Variants in SPATA21 observed in about 807,000 individuals in gnomAD.
The protein encoded by SPATA21 is spermatogenesis-associated protein 21.
In SPATA21, 47 loss-of-function variants were observed where a neutral mutation model predicts 54.8. The ratio of observed to expected loss-of-function variants is 0.86; its 90% CI spans 0.68 to 1.09. The LOEUF is 1.09. Ranked by LOEUF, SPATA21 falls within the 50% of genes least tolerant of loss-of-function variation. The pLI is 0.00. For synonymous variants in SPATA21, 245 were observed against 235.3 expected, an observed-to-expected ratio of 1.04 and a Z score of -0.38; for missense variants, 599 against 596.4, an observed-to-expected ratio of 1.00 and a Z score of -0.05.
chr1:16,421,698 GT>G lies in SPATA21; in HGVS notation c.96-142del. On this transcript the variant is annotated intron_variant, in intron 4 of 12. Coordinates refer to ENST00000335496, the MANE Select transcript of SPATA21 (RefSeq NM_198546.1). The surrounding 1 kb of genome is among the most constrained non-coding windows in gnomAD (Gnocchi z 5.2). Reference sequence around the variant, plus strand: ...CTTCTCATCTCAGGGGGCTCCTTATGTCCCCACATCCTCATATATACAGGCT... The same window carrying G: ...CTTCTCATCTCAGGGGGCTCCTTATGCCCCACATCCTCATATATACAGGCT... The G allele has an allele frequency of 9.0e-7, 1 of 1,114,786 alleles. No individual in the cohort carries two copies. Among genetic ancestry groups the G allele is most frequent in the Non-Finnish European group, 1.3e-6 (1 of 770,304 alleles). The allele number at this position is 1,114,786 out of a possible 1,614,324, so 69.1% of individuals were successfully genotyped here.
At chr1:16,433,704 ACT>A (rs1570230495) in intron 1 of SPATA21, among the ~76,000 whole-genome samples, 2 of 152,128 alleles carry the variant, frequency 1.3e-5, no homozygotes, top group Non-Finnish European at 2.9e-5. Flanking sequence ...GAGCTTGCTA[ACT>A]CTGAGAATCT....
chr1:16,407,082 T>C (rs922868015), intron 7 of SPATA21, among the ~76,000 whole-genome samples: 2 of 152,228 alleles, frequency 1.3e-5, no homozygotes, highest in African/African-American at 2.4e-5. Flanking sequence ...CTTGGAAGTA[T>C]TCTATGAACT....
chr1:16,416,886 A>C (rs1230012811), intron 5 of SPATA21, among the ~76,000 whole-genome samples: 1 of 152,160 alleles, frequency 6.6e-6, no homozygotes, highest in Admixed American at 6.6e-5. Flanking sequence ...CGGCACACGC[A>C]GACAGGACTC....
At chr1:16,408,489 T>C in intron 7 of SPATA21, 1 of 985,412 alleles carries the variant, frequency 1.0e-6, no homozygotes. Flanking sequence ...GAAGAAACTA[T>C]TCCAAAACCT....
chr1:16,430,273 A>T (rs1254008000), intron 3 of SPATA21, among the ~76,000 whole-genome samples: 1 of 151,964 alleles, frequency 6.6e-6, no homozygotes, highest in Non-Finnish European at 1.5e-5. Flanking sequence ...ACAAAAAATT[A>T]AAAAAATAGT....
downstream of SPATA21, among the ~76,000 whole-genome samples, chr1:16,398,349 G>A (rs1024096176): frequency 3.3e-5 from 5 of 152,026 alleles, no homozygotes; most frequent in African/African-American, 1.2e-4. Flanking sequence ...GGGCTCTGTC[G>A]GGGGAGCATG....
At position 16,406,856 on chromosome 1, in the gene SPATA21, A is replaced by G. The variant is rs76412083; in HGVS notation, c.674-1752T>C. ...GTGAGAAGACAGCTGTCTGCAGGCC[A>G]AGCAGGGAGGCCACAGAAGAAAGCA... On this transcript the variant is annotated intron_variant, in intron 7 of 12. Coordinates refer to ENST00000335496, the MANE Select transcript of SPATA21 (RefSeq NM_198546.1). 6.9e-3 allele frequency among the ~76,000 whole-genome samples: 1,057 copies of G among 152,340 alleles called. 11 individuals carry two copies. The highest frequency in any genetic ancestry group is 0.025 in the African/African-American group (1,019 of 41,582).
At chr1:16,426,579 A>ATTTTTT (rs869271995) in intron 3 of SPATA21, among the ~76,000 whole-genome samples, 1 of 107,152 alleles carries the variant, frequency 9.3e-6, no homozygotes, top group Non-Finnish European at 1.8e-5. Context: ...ATATATATAT[A>ATTTTTT]TTTTTTTTTT....
intron 10 of SPATA21, 45 bp downstream of exon 10, chr1:16,403,682 C>T: frequency 2.6e-6 from 4 of 1,541,750 alleles, no homozygotes; most frequent in East Asian, 2.2e-5. Context: ...TAGATGCCAC[C>T]TCTGTGTCCA....
rs1478865633 is a variant in SPATA21 at position 16,421,583 on chromosome 1, G to T, written c.96-26C>A. The T allele has an allele frequency of 2.5e-6, 4 of 1,608,738 alleles. No individual in the cohort carries two copies. The highest frequency in any genetic ancestry group is 2.2e-5 in the East Asian group (1 of 44,810). ...CTGAATAGAAGAGAAACCCCCAGGT[G>T]GGGGAAGCGCTCAGCTGAAGGTTTG... On this transcript the variant is annotated intron_variant, in intron 4 of 12. Coordinates refer to ENST00000335496, the MANE Select transcript of SPATA21 (RefSeq NM_198546.1). The surrounding 1 kb of genome is among the most constrained non-coding windows in gnomAD (Gnocchi z 5.2).
intron 1 of SPATA21, among the ~76,000 whole-genome samples, chr1:16,436,533 A>AG (rs1298475215): frequency 2.0e-5 from 3 of 152,124 alleles, no homozygotes; most frequent in Admixed American, 6.6e-5. Context: ...TGGGATGCCA[A>AG]GGGGGGCAGA....
At chr1:16,396,589 G>A (rs3738605), downstream of SPATA21, 49,001 of 152,182 alleles carry the variant, frequency 0.32, 9,368 homozygotes, top group East Asian at 0.68. Context: ...GATCCCTTCC[G>A]TTGCACTGCG....
At chr1:16,422,278 A>G in intron 3 of SPATA21, 1 of 1,274,850 alleles carries the variant, frequency 7.8e-7, no homozygotes, top group Non-Finnish European at 1.0e-6. Flanking sequence ...ACTGGAGACC[A>G]GTTATTACAC....
chr1:16,399,791 G>A (rs986145907), intron 11 of SPATA21, among the ~76,000 whole-genome samples: 6 of 152,200 alleles, frequency 3.9e-5, no homozygotes, highest in African/African-American at 1.2e-4. Flanking sequence ...ACAAGGAGCA[G>A]AGGACTTTGT....
At chr1:16,436,762 T>A (rs996180353) in intron 1 of SPATA21, among the ~76,000 whole-genome samples, 15 of 149,334 alleles carry the variant, frequency 1.0e-4, no homozygotes, top group Non-Finnish European at 2.1e-4. Flanking sequence ...CAAGACTCCG[T>A]CTCAAAAAAA....
intron 1 of SPATA21, among the ~76,000 whole-genome samples, chr1:16,433,917 T>G (rs552127920): frequency 6.6e-6 from 1 of 152,284 alleles, no homozygotes; most frequent in East Asian, 1.9e-4. Context: ...TTTTAGGATA[T>G]TCACAGAGTT....
At chr1:16,435,416 A>G (rs1570236165) in intron 1 of SPATA21, among the ~76,000 whole-genome samples, 1 of 151,842 alleles carries the variant, frequency 6.6e-6, no homozygotes, top group Non-Finnish European at 1.5e-5. Context: ...TCCCGTGTCC[A>G]TGCAATTCTC....
Position 16,409,856 on chromosome 1 carries a change from T to C in SPATA21, c.332A>G (p.Gln111Arg). The C allele has an allele frequency of 1.2e-6, 2 of 1,607,592 alleles. No individual in the cohort carries two copies. The highest frequency in any genetic ancestry group is 1.7e-6 in the Non-Finnish European group (2 of 1,177,246). The part of the protein sequence containing the change: ...RASKARSQTA[Q>R]KSPRTLTPVP... The stretch of plus-strand genomic sequence containing the variant: ...CGGGGTCAGGGTCCTGGGCGACTTC[T>C]GGGCTGTCTGGGACCGGGCCTTCGA... Residue 111 changes from glutamine (Q) to arginine (R), a missense_variant, in exon 6 of 13, where the codon CAG becomes CGG. Physicochemically the swap from Gln to Arg is conservative, Grantham distance 43. Coordinates refer to ENST00000335496, the MANE Select transcript of SPATA21 (RefSeq NM_198546.1). The surrounding 1 kb of genome is among the most constrained non-coding windows in gnomAD (Gnocchi z 4.1).
chr1:16,429,035 C>A (rs937675338), intron 3 of SPATA21, among the ~76,000 whole-genome samples: 3 of 152,178 alleles, frequency 2.0e-5, no homozygotes, highest in Non-Finnish European at 4.4e-5. Context: ...GAATGTTCAC[C>A]TCTAGCCTCT....
Sources: gnomAD v4.1 joint callset for allele counts (sites outside exome capture counted in the v4.1 genomes callset) on GRCh38, gnomAD v4.1.1 for gene constraint, Gnocchi (gnomAD v3.1) non-coding constraint, MANE v1.5 for transcripts, NCBI Gene and HGNC (gene_info 2026-07-23, HGNC 2026-07-21) for gene names.